Variants in RELCH observed in about 807,000 individuals in gnomAD.
RELCH encodes the protein RAB11 binding and LisH domain, coiled-coil and HEAT repeat containing.
Under a neutral mutation model 150.3 loss-of-function variants are expected in RELCH, and 41 were observed. That is an observed-to-expected ratio of 0.27 (90% CI 0.21 to 0.35). The LOEUF is 0.35. RELCH is among the 10% of genes least tolerant of loss of function. The pLI, the probability that RELCH is intolerant of heterozygous loss-of-function variation, is 1.00. For missense variants in RELCH, 1,092 were observed against 1,467.8 expected (o/e 0.74, Z 4.18); for synonymous variants, 478 against 531.8 (o/e 0.90, Z 1.39).
At chr18:62,265,895 A>T (rs2043534865) in intron 18 of RELCH, among the ~76,000 whole-genome samples, 1 of 152,144 alleles carries the variant, frequency 6.6e-6, no homozygotes, top group South Asian at 2.1e-4. Flanking sequence ...GAGGGCAAAA[A>T]CCAGACCTTG....
chr18:62,212,849 T>G (rs765128063), intron 2 of RELCH, among the ~76,000 whole-genome samples: 27 of 152,200 alleles, frequency 1.8e-4, no homozygotes, highest in Non-Finnish European at 3.2e-4. Context: ...CATTCCTTGC[T>G]CAAGACTAGA....
chr18:62,217,858 G>A (rs2148349837), intron 2 of RELCH, among the ~76,000 whole-genome samples: 1 of 152,008 alleles, frequency 6.6e-6, no homozygotes, highest in East Asian at 1.9e-4. Flanking sequence ...TTTTTTTAAG[G>A]CTGTGGGAAA....
At chr18:62,188,272 T>A (rs1326633994) in intron 1 of RELCH, among the ~76,000 whole-genome samples, 1 of 152,212 alleles carries the variant, frequency 6.6e-6, no homozygotes, top group Non-Finnish European at 1.5e-5. Context: ...CTGGTGTCAG[T>A]ATCTATAAAA....
intron 1 of RELCH, among the ~76,000 whole-genome samples, chr18:62,205,047 C>G (rs1371619759): frequency 6.6e-6 from 1 of 152,194 alleles, no homozygotes; most frequent in Non-Finnish European, 1.5e-5. Flanking sequence ...CCACCTAATT[C>G]CAGTTAACCA....
rs1169252134 is a variant in RELCH at position 62,187,732 on chromosome 18, C to T, written c.227C>T (p.Ser76Leu). 10 of 1,609,142 alleles carry T rather than the reference C, an allele frequency of 6.2e-6. No individual in the cohort carries two copies. Among genetic ancestry groups the T allele is most frequent in the South Asian group, 5.5e-5 (5 of 90,792 alleles). ...SARPGLPGEASAAAVALGGTG... is the reference protein window; with the variant it reads ...SARPGLPGEALAAAVALGGTG... Reference sequence around the variant, plus strand: ...CGGCCAGGGCTCCCTGGGGAGGCGTCGGCGGCTGCAGTGGCCCTGGGGGGC... The same window carrying T: ...CGGCCAGGGCTCCCTGGGGAGGCGTTGGCGGCTGCAGTGGCCCTGGGGGGC... Residue 76 changes from serine to leucine, a missense_variant, in exon 1 of 29, where the codon TCG becomes TTG. Around this residue, in one of 4 missense-constraint regions of RELCH, gnomAD observed 138 missense variants for 124.8 expected, o/e 1.11. Transcript: ENST00000644646.
At chr18:62,289,085 C>T (rs1245157554) in intron 26 of RELCH, among the ~76,000 whole-genome samples, 1 of 152,044 alleles carries the variant, frequency 6.6e-6, no homozygotes, top group Non-Finnish European at 1.5e-5. Flanking sequence ...GTAGGGAAGG[C>T]AGTGGTTTCC....
chr18:62,224,115 C>A (rs1305688960), intron 5 of RELCH, among the ~76,000 whole-genome samples: 1 of 152,090 alleles, frequency 6.6e-6, no homozygotes, highest in Non-Finnish European at 1.5e-5. Context: ...CTATCCCTCC[C>A]CCAGCCCCTC....
At chr18:62,222,326 G>C (rs1232531650) in intron 5 of RELCH, among the ~76,000 whole-genome samples, 1 of 151,904 alleles carries the variant, frequency 6.6e-6, no homozygotes, top group African/African-American at 2.4e-5. Context: ...CTGAACATGT[G>C]CTATGTAAGA....
chr18:62,191,337 C>G (rs1471266963), intron 1 of RELCH, among the ~76,000 whole-genome samples: 1 of 152,064 alleles, frequency 6.6e-6, no homozygotes, highest in African/African-American at 2.4e-5. Flanking sequence ...TTTCTATTTC[C>G]CTGATGACTA....
chr18:62,268,754 A>G, intron 19 of RELCH, 115 bp from the exon 20 acceptor site: 1 of 506,698 alleles, frequency 2.0e-6, no homozygotes, highest in Non-Finnish European at 3.4e-6. Context: ...AAGTAATGAT[A>G]ATACTTACTT....
chr18:62,243,954 C>T (rs983246209), intron 10 of RELCH, among the ~76,000 whole-genome samples: 2 of 151,906 alleles, frequency 1.3e-5, no homozygotes, highest in Admixed American at 6.6e-5. Context: ...GAGGATTTCT[C>T]GCAAAAATAT....
chr18:62,195,517 T>A (rs2038974028), intron 1 of RELCH, among the ~76,000 whole-genome samples: 1 of 152,124 alleles, frequency 6.6e-6, no homozygotes, highest in Non-Finnish European at 1.5e-5. Flanking sequence ...ATTAGCCCAG[T>A]TCTTTGCACA....
chr18:62,207,978 C>T (rs1385042375), intron 1 of RELCH, among the ~76,000 whole-genome samples: 5 of 152,142 alleles, frequency 3.3e-5, no homozygotes, highest in Non-Finnish European at 7.4e-5. Flanking sequence ...GAGGAACTGC[C>T]AAACTTCCAA....
At chr18:62,303,114 A>G (rs1191431127) in intron 28 of RELCH, among the ~76,000 whole-genome samples, 1 of 152,148 alleles carries the variant, frequency 6.6e-6, no homozygotes, top group Non-Finnish European at 1.5e-5. Context: ...AAAACTGATA[A>G]AAATTTACAC....
Position 62,228,179 on chromosome 18 carries a change from T to G in RELCH, c.1155-126T>G, listed in dbSNP as rs115767704. 1,242 of 719,210 alleles carry G rather than the reference T, an allele frequency of 1.7e-3. 13 individuals carry two copies. The African/African-American group carries it at 0.019, about 11-fold the overall frequency. 44.6% of individuals were successfully genotyped at this position (719,210 alleles called of 1,614,324 possible). On this transcript the variant is annotated intron_variant, in intron 7 of 28. Transcript: ENST00000644646. The stretch of plus-strand genomic sequence containing the variant: ...TATTGCATAAAAAAGATTTATTACT[T>G]GCCAATCATTTGCTACTAATACTTT...
chr18:62,208,045 A>C (rs1274858121), intron 1 of RELCH, among the ~76,000 whole-genome samples: 1 of 152,162 alleles, frequency 6.6e-6, no homozygotes, highest in Non-Finnish European at 1.5e-5. Flanking sequence ...CAGTTTCTCC[A>C]CATCTTCTGC....
chr18:62,187,358 G>T lies in RELCH; in HGVS notation c.-148G>T. ...CAGCTGCATCCGGATCTCCTGCCTT[G>T]GAGCGTACTCCTTGTCTCTAAGTCG... On this transcript the variant is annotated 5_prime_UTR_variant, in exon 1 of 29. Coordinates refer to ENST00000644646, the MANE Select transcript of RELCH (RefSeq NM_001346231.2). 1.5e-6 allele frequency: 1 copy of T among 666,100 alleles called. No homozygotes were observed. The highest frequency in any genetic ancestry group is 2.4e-6 in the Non-Finnish European group (1 of 422,644). 41.3% of individuals were successfully genotyped at this position (666,100 alleles called of 1,614,324 possible). A position where few individuals can be genotyped will look rare whatever the true frequency, so the allele number is the denominator to read the frequency against.
At chr18:62,229,485 GGTGTGTGTGTGTGT>G (rs58842870) in intron 8 of RELCH, among the ~76,000 whole-genome samples, 1 of 143,320 alleles carries the variant, frequency 7.0e-6, no homozygotes, top group South Asian at 2.3e-4. Flanking sequence ...GTATAGTAGG[GGTGTGTGTGTGTGT>G]GTGTGTGTGT....
intron 11 of RELCH, among the ~76,000 whole-genome samples, chr18:62,251,982 G>C (rs2148535544): frequency 6.6e-6 from 1 of 151,928 alleles, no homozygotes; most frequent in Middle Eastern, 3.4e-3. Flanking sequence ...TTGTTAGCAA[G>C]GTATAATTTT....
Sources: allele counts gnomAD v4.1 joint callset (sites outside exome capture counted in the v4.1 genomes callset), GRCh38; gene constraint gnomAD v4.1.1; regional missense constraint gnomAD v4.1.1; transcripts MANE v1.5; gene names NCBI Gene and HGNC (gene_info 2026-07-23, HGNC 2026-07-21).